GIN1: variants seen among roughly 807,000 people sequenced by gnomAD.
GIN1 encodes the protein gypsy retrotransposon integrase 1.
Under a neutral mutation model 51.4 loss-of-function variants are expected in GIN1, and 41 were observed. The ratio of observed to expected loss-of-function variants is 0.80; its 90% CI spans 0.62 to 1.04. The LOEUF (loss-of-function observed/expected upper bound fraction) is 1.04. Ranked by LOEUF, GIN1 falls within the 50% of genes least tolerant of loss-of-function variation. GIN1 has a pLI of 0.00. For synonymous variants in GIN1, 222 were observed against 206.5 expected (o/e 1.07, Z -0.64); for missense variants, 610 against 612.4 (o/e 1.00, Z 0.04).
At chr5:103,113,633 T>G (rs1458960871) in intron 1 of GIN1, among the ~76,000 whole-genome samples, 1 of 151,922 alleles carries the variant, frequency 6.6e-6, no homozygotes, top group African/African-American at 2.4e-5. Flanking sequence ...GCAAATTTTG[T>G]TCCTCAGCCT....
chr5:103,117,993 T>C (rs1422944112), intron 1 of GIN1, among the ~76,000 whole-genome samples: 1 of 152,172 alleles, frequency 6.6e-6, no homozygotes, highest in African/African-American at 2.4e-5. Context: ...AAAGTGATTT[T>C]TGTAATCAAT....
intron 4 of GIN1, among the ~76,000 whole-genome samples, chr5:103,103,986 C>T (rs1207976420): frequency 3.9e-5 from 6 of 152,022 alleles, no homozygotes; most frequent in African/African-American, 1.4e-4. Flanking sequence ...TGGAGTCTCG[C>T]TCTGTCGCTC....
intron 4 of GIN1, among the ~76,000 whole-genome samples, chr5:103,100,850 T>G (rs1554195720): frequency 6.6e-6 from 1 of 152,160 alleles, no homozygotes; most frequent in Non-Finnish European, 1.5e-5. Flanking sequence ...TCTCCATCAA[T>G]AAAAGTGGAA....
At chr5:103,109,419 A>C (rs1006824091) in intron 1 of GIN1, among the ~76,000 whole-genome samples, 24 of 152,128 alleles carry the variant, frequency 1.6e-4, no homozygotes, top group Non-Finnish European at 2.9e-5. Flanking sequence ...TACTGGAAAG[A>C]GAATGCTGGA....
chr5:103,088,544 G>C (rs1255950928), intron 7 of GIN1, among the ~76,000 whole-genome samples: 1 of 152,184 alleles, frequency 6.6e-6, no homozygotes, highest in Non-Finnish European at 1.5e-5. Flanking sequence ...TGTAATCTCA[G>C]CACTTTGGAA....
intron 7 of GIN1, among the ~76,000 whole-genome samples, chr5:103,096,116 C>T (rs1787383950): frequency 6.6e-6 from 1 of 151,926 alleles, no homozygotes; most frequent in South Asian, 2.1e-4. Flanking sequence ...TCAAGGCGGG[C>T]AGGTCACGGG....
At position 103,096,563 on chromosome 5, in the gene GIN1, G is replaced by C; in HGVS notation, c.1272C>G (p.Tyr424Ter). 1 of 1,612,296 alleles carries C rather than the reference G, an allele frequency of 6.2e-7. No individual in the cohort carries two copies. The highest frequency in any genetic ancestry group is 8.5e-7 in the Non-Finnish European group (1 of 1,178,736). ...TACCTTGTTCACTGGATTCTCTTATGTAGGGCTTAAGGTGGGACATTTTGA... is the reference window on the plus strand; with the variant it reads ...TACCTTGTTCACTGGATTCTCTTATCTAGGGCTTAAGGTGGGACATTTTGA... ...RPIKMSHLKPYIRESSEQESL... is the reference protein window; with the variant it reads ...RPIKMSHLKP The change falls in exon 7 of 8, where the codon TAC becomes TAG. Residue 424 changes from tyrosine to a stop codon, truncating the protein, a stop_gained. Transcript: ENST00000399004. LOFTEE classifies it high-confidence loss of function.
At chr5:103,115,815 G>A (rs190229480) in intron 1 of GIN1, among the ~76,000 whole-genome samples, 46 of 152,208 alleles carry the variant, frequency 3.0e-4, no homozygotes, top group Middle Eastern at 3.4e-3. Flanking sequence ...TGAAAACAAA[G>A]GAGAAAAAAC....
At chr5:103,092,136 C>T (rs1033230341) in intron 7 of GIN1, among the ~76,000 whole-genome samples, 2 of 152,160 alleles carry the variant, frequency 1.3e-5, no homozygotes, top group Admixed American at 6.5e-5. Context: ...TCTGCCTCAG[C>T]CCGCTAAGTA....
chr5:103,108,539 C>A, intron 2 of GIN1, 30 bp downstream of exon 2: 1 of 1,489,234 alleles, frequency 6.7e-7, no homozygotes, highest in South Asian at 1.2e-5. Context: ...ATCTACAACT[C>A]AATAATCAAA....
chr5:103,102,082 T>TA (rs1489429172), intron 4 of GIN1, among the ~76,000 whole-genome samples: 1 of 152,226 alleles, frequency 6.6e-6, no homozygotes, highest in African/African-American at 2.4e-5. Context: ...TTTATACCAC[T>TA]ATTCCTAGGT....
intron 2 of GIN1, 34 bp from the exon 3 acceptor site, chr5:103,106,943 AT>A: frequency 1.8e-6 from 2 of 1,138,200 alleles, no homozygotes; most frequent in South Asian, 1.5e-5. Flanking sequence ...TAGAATTGCA[AT>A]TTTTAGAGAT....
At chr5:103,109,350 C>T (rs1216488527) in intron 1 of GIN1, among the ~76,000 whole-genome samples, 8 of 152,000 alleles carry the variant, frequency 5.3e-5, no homozygotes, top group African/African-American at 1.7e-4. Flanking sequence ...TTTGAAATTA[C>T]ATTTAAAAAA....
intron 2 of GIN1, 73 bp from the exon 3 acceptor site, chr5:103,106,982 T>C: frequency 1.3e-6 from 1 of 752,282 alleles, no homozygotes; most frequent in Non-Finnish European, 2.1e-6. Flanking sequence ...AATCATAGCC[T>C]TCTCTTTAAA....
At chr5:103,118,153 T>C (rs1167969272) in intron 1 of GIN1, among the ~76,000 whole-genome samples, 2 of 152,190 alleles carry the variant, frequency 1.3e-5, no homozygotes, top group Non-Finnish European at 2.9e-5. Context: ...TTAAAAATTA[T>C]AGCAAATATT....
chr5:103,099,772 CAG>C (rs1477510235), intron 4 of GIN1, among the ~76,000 whole-genome samples: 2 of 152,172 alleles, frequency 1.3e-5, no homozygotes, highest in East Asian at 1.9e-4. Flanking sequence ...CTCTTTCCTT[CAG>C]AGGTTTACAA....
chr5:103,099,885 C>T (rs568497337), intron 4 of GIN1, among the ~76,000 whole-genome samples: 3 of 152,274 alleles, frequency 2.0e-5, no homozygotes, highest in Admixed American at 1.3e-4. Flanking sequence ...AAACCTCCCA[C>T]ATTGTGTATT....
At chr5:103,115,336 C>T (rs770002038) in intron 1 of GIN1, among the ~76,000 whole-genome samples, 1 of 152,050 alleles carries the variant, frequency 6.6e-6, no homozygotes, top group Non-Finnish European at 1.5e-5. Context: ...TATTCACACA[C>T]CTTTAAAGGG....
intron 7 of GIN1, among the ~76,000 whole-genome samples, chr5:103,088,806 A>G (rs1787152052): frequency 6.6e-6 from 1 of 152,144 alleles, no homozygotes; most frequent in South Asian, 2.1e-4. Flanking sequence ...AAAAAAAATT[A>G]TAAAACTATT....
Sources: allele counts gnomAD v4.1 joint callset (sites outside exome capture counted in the v4.1 genomes callset), GRCh38; gene constraint gnomAD v4.1.1; transcripts MANE v1.5; gene names NCBI Gene and HGNC (gene_info 2026-07-23, HGNC 2026-07-21).